The following DDX60L variants were observed in gnomAD, a reference collection of about 807,000 sequenced individuals.
DDX60L encodes the protein probable ATP-dependent RNA helicase DDX60-like.
A neutral mutation model predicts 211.6 loss-of-function variants in DDX60L; 191 were observed. That is an observed-to-expected ratio of 0.90 (90% CI 0.80 to 1.02). The LOEUF (loss-of-function observed/expected upper bound fraction) is 1.02, where lower values mean the gene tolerates loss of function less well. Ranked by LOEUF, DDX60L falls within the 50% of genes least tolerant of loss-of-function variation. DDX60L has a pLI of 0.00. For synonymous variants in DDX60L, 706 were observed against 694.1 expected (o/e 1.02, Z -0.27); for missense variants, 2,007 against 1,984.1 (o/e 1.01, Z -0.22).
At chr4:168,416,067 C>A (rs1206953069) in intron 20 of DDX60L, among the ~76,000 whole-genome samples, 1 of 152,124 alleles carries the variant, frequency 6.6e-6, no homozygotes, top group Non-Finnish European at 1.5e-5. Context: ...AGCGTGCCTG[C>A]CACATAGAAA....
intron 12 of DDX60L, among the ~76,000 whole-genome samples, chr4:168,431,347 G>A (rs535619473): frequency 5.3e-5 from 8 of 152,122 alleles, no homozygotes; most frequent in African/African-American, 1.4e-4. Context: ...TGCTTTTTCC[G>A]TGTCTGTGTA....
intron 9 of DDX60L, among the ~76,000 whole-genome samples, chr4:168,441,996 G>T (rs968368909): frequency 1.3e-5 from 2 of 152,122 alleles, no homozygotes; most frequent in Non-Finnish European, 2.9e-5. Context: ...ATATGGGGGA[G>T]GAGCCAAGAT....
chr4:168,450,483 A>G (rs1325689597), intron 8 of DDX60L, among the ~76,000 whole-genome samples: 1 of 152,176 alleles, frequency 6.6e-6, no homozygotes, highest in African/African-American at 2.4e-5. Flanking sequence ...AAAAAAAAAA[A>G]AAAAGATTAC....
In DDX60L at chr4:168,453,256, C is replaced by T. The variant is rs370276832; in HGVS notation, c.864G>A (p.Gln288=). ...GCAGTCTGCAGAAATCTTCCACCTC[C>T]TGCAGGGATAGGCAATTACTGTGCA... ...VLVHSNCLSL[Q]EVEDFCRLRC... Residue 288 remains glutamine, a synonymous_variant, in exon 8 of 38, where the codon CAG becomes CAA. Transcript: ENST00000682922. 1.2e-6 allele frequency: 2 copies of T among 1,612,244 alleles called. No individual in the cohort carries two copies. The highest frequency in any genetic ancestry group is 1.7e-6 in the Non-Finnish European group (2 of 1,179,038).
chr4:168,390,247 A>G (rs1744563565), intron 29 of DDX60L: 2 of 1,063,110 alleles, frequency 1.9e-6, no homozygotes, highest in Non-Finnish European at 2.3e-6. Context: ...CAAGGAAGAG[A>G]AAAAAGGAGA....
At chr4:168,430,341 G>C in intron 13 of DDX60L, 137 bp downstream of exon 13, 1 of 680,874 alleles carries the variant, frequency 1.5e-6, no homozygotes, top group South Asian at 3.3e-5. Flanking sequence ...TATCTTTCTA[G>C]CAATGTGAGA....
intron 37 of DDX60L, among the ~76,000 whole-genome samples, chr4:168,360,703 T>C (rs971548995): frequency 6.6e-6 from 1 of 152,170 alleles, no homozygotes; most frequent in Non-Finnish European, 1.5e-5. Context: ...AGGAAATCAA[T>C]GGGAGCTGCC....
At chr4:168,442,168 G>C (rs896146845) in intron 9 of DDX60L, among the ~76,000 whole-genome samples, 2 of 152,140 alleles carry the variant, frequency 1.3e-5, no homozygotes, top group African/African-American at 4.8e-5. Flanking sequence ...AGCCGAAGCA[G>C]GGCGAGGCAT....
chr4:168,391,474 GT>G, intron 29 of DDX60L, 65 bp downstream of exon 29: 2 of 1,030,070 alleles, frequency 1.9e-6, no homozygotes, highest in Non-Finnish European at 3.0e-6. Flanking sequence ...CCAGATGTGA[GT>G]GCCACATGGT....
chr4:168,384,837 G>A (rs768166285), intron 29 of DDX60L, 25 bp from the exon 30 acceptor site: 12 of 1,596,256 alleles, frequency 7.5e-6, no homozygotes, highest in Non-Finnish European at 1.0e-5. Context: ...GAATCACAAT[G>A]TAAAACCTCC....
chr4:168,372,298 AAAAC>A (rs1560934159), intron 35 of DDX60L, among the ~76,000 whole-genome samples: 3 of 152,284 alleles, frequency 2.0e-5, no homozygotes, highest in African/African-American at 4.8e-5. Flanking sequence ...GAAGAGAAGC[AAAAC>A]AAACAAACAA....
At chr4:168,432,595 T>C in intron 11 of DDX60L, 25 bp from the exon 12 acceptor site, 1 of 1,387,658 alleles carries the variant, frequency 7.2e-7, no homozygotes, top group Non-Finnish European at 9.7e-7. Flanking sequence ...ACATAATTTT[T>C]TTAAATTTTA....
Position 168,471,834 on chromosome 4 carries a change from TC to T in DDX60L, c.176del (p.Gly59AspfsTer18), listed in dbSNP as rs776472457. 3 of 1,613,730 alleles carry T rather than the reference TC, an allele frequency of 1.9e-6. No individual in the cohort carries two copies. The highest frequency in any genetic ancestry group is 2.2e-5 in the South Asian group (2 of 91,020). ...TCLGVKSFKWGQNLHFFYLVE... is the reference protein window; with the variant it reads ...TCLGVKSFKWXQNLHFFYLVE... ...CCAGATAGAAAAAGTGGAGATTCTG[TC>T]CCCACTTGAATGATTTTACACCCAG... On this transcript the variant is annotated frameshift_variant, in exon 4 of 38. Transcript: ENST00000682922. LOFTEE classifies it high-confidence loss of function.
In DDX60L at chr4:168,371,748, CTG is replaced by C; in HGVS notation, c.4790_4791del (p.Thr1597SerfsTer4). ...GGAGCCTGAGTGCCACTAACACCGA[CTG>C]TGCGCAGGATGACCTGAAGAAAGAC... ...PETINQVILR[T>X]VGVSGTQAPL... On this transcript the variant is annotated frameshift_variant, in exon 36 of 38. Coordinates refer to ENST00000682922, the MANE Select transcript of DDX60L (RefSeq NM_001012967.3). LOFTEE classifies it high-confidence loss of function. 1 of 1,604,302 alleles carries C rather than the reference CTG, an allele frequency of 6.2e-7. No homozygotes were observed. The highest frequency in any genetic ancestry group is 8.5e-7 in the Non-Finnish European group (1 of 1,173,090).
intron 4 of DDX60L, among the ~76,000 whole-genome samples, chr4:168,466,265 T>C (rs1757978608): frequency 1.3e-5 from 2 of 151,842 alleles, no homozygotes; most frequent in Non-Finnish European, 2.9e-5. Flanking sequence ...AAGCTAGGTC[T>C]TTGAAAACAT....
intron 5 of DDX60L, among the ~76,000 whole-genome samples, chr4:168,459,640 A>C (rs1344233942): frequency 2.0e-5 from 3 of 151,982 alleles, no homozygotes; most frequent in Non-Finnish European, 4.4e-5. Context: ...TAATCCCAGC[A>C]ACTTGGGAGG....
In DDX60L at chr4:168,371,691, C is replaced by T. The variant is rs1365523806; in HGVS notation, c.4849G>A (p.Gly1617Arg). ...TATGCATTTAGTGGCATTCTCCTTC[C>T]TCGGTTATCTAATTTCCATGGCCAC... Reference protein sequence around the residue: ...LLWPWKLDNRGRRMPLNAYVL... With the variant: ...LLWPWKLDNRRRRMPLNAYVL... The change falls in exon 36 of 38, where the codon GGA (glycine) becomes AGA (arginine). Residue 1617 changes from glycine (G) to arginine (R), a missense_variant. Physicochemically the swap from Gly to Arg is moderately radical, Grantham distance 125. Coordinates refer to ENST00000682922, the MANE Select transcript of DDX60L (RefSeq NM_001012967.3). 1.2e-6 allele frequency: 2 copies of T among 1,610,480 alleles called. No individual in the cohort carries two copies. Among genetic ancestry groups the T allele is most frequent in the Non-Finnish European group, 1.7e-6 (2 of 1,178,218 alleles).
chr4:168,388,453 G>C (rs1028790739), intron 29 of DDX60L, among the ~76,000 whole-genome samples: 6 of 152,242 alleles, frequency 3.9e-5, no homozygotes, highest in African/African-American at 1.2e-4. Context: ...TGATCAGGAT[G>C]CAAAGGGCCC....
At chr4:168,411,339 G>A (rs886769442) in intron 22 of DDX60L, among the ~76,000 whole-genome samples, 53 of 152,266 alleles carry the variant, frequency 3.5e-4, no homozygotes, top group African/African-American at 2.4e-4. Flanking sequence ...AGACAGTGTC[G>A]ACCTGCCAAT....
Sources: gnomAD v4.1 joint callset for allele counts (sites outside exome capture counted in the v4.1 genomes callset) on GRCh38, gnomAD v4.1.1 for gene constraint, MANE v1.5 for transcripts, NCBI Gene and HGNC (gene_info 2026-07-23, HGNC 2026-07-21) for gene names.